Variants in DOCK4 observed in about 807,000 individuals in gnomAD.
The protein encoded by DOCK4 is dedicator of cytokinesis 4.
Under a neutral mutation model 268.1 loss-of-function variants are expected in DOCK4, and 97 were observed. The ratio of observed to expected loss-of-function variants is 0.36; its 90% CI spans 0.31 to 0.43. The LOEUF (loss-of-function observed/expected upper bound fraction) is 0.43, where lower values mean the gene tolerates loss of function less well. Ranked by LOEUF, DOCK4 falls within the 20% of genes least tolerant of loss-of-function variation. DOCK4 has a pLI of 1.00. For missense variants in DOCK4, 2,145 were observed against 2,455.7 expected (o/e 0.87, Z 2.67); for synonymous variants, 954 against 887.2 (o/e 1.08, Z -1.34).
chr7:112,061,729 A>G (rs1269601790), intron 1 of DOCK4, among the ~76,000 whole-genome samples: 8 of 144,332 alleles, frequency 5.5e-5, no homozygotes, highest in Non-Finnish European at 1.2e-4. Flanking sequence ...CTGGGAAGAT[A>G]TTAACAATGT....
chr7:111,814,928 G>A (rs1181946237), intron 27 of DOCK4, among the ~76,000 whole-genome samples: 1 of 152,114 alleles, frequency 6.6e-6, no homozygotes, highest in African/African-American at 2.4e-5. Context: ...CTAATCACAT[G>A]TCCACAGAAA....
At chr7:112,108,796 A>T (rs1811363163) in intron 1 of DOCK4, among the ~76,000 whole-genome samples, 1 of 152,248 alleles carries the variant, frequency 6.6e-6, no homozygotes, top group Non-Finnish European at 1.5e-5. Flanking sequence ...ATGGAAACCC[A>T]ACAATTGCTA....
At chr7:111,761,104 T>C (rs9641468) in intron 39 of DOCK4, among the ~76,000 whole-genome samples, 96,707 of 150,848 alleles carry the variant, frequency 0.64, 31,410 homozygotes, top group South Asian at 0.78. Flanking sequence ...TCTGTTGCCC[T>C]GGCTGGCATG....
intron 30 of DOCK4, among the ~76,000 whole-genome samples, chr7:111,795,391 G>C (rs1022388536): frequency 6.6e-6 from 1 of 152,180 alleles, no homozygotes; most frequent in African/African-American, 2.4e-5. Flanking sequence ...ACAATCTGTG[G>C]CTCTGAGCGA....
rs1795877967 is a variant in DOCK4 at position 111,740,945 on chromosome 7, C to T, written c.5040+149G>A. ...AAACGTCTTTGTAGACTCTAGAGAC[C>T]CATAAAGCAAGAAGAGTGTTTAAAG... On this transcript the variant is annotated intron_variant, in intron 47 of 52. Transcript: ENST00000428084. 9 of 884,604 alleles carry T rather than the reference C, an allele frequency of 1.0e-5. No individual in the cohort carries two copies. In the Admixed American group the frequency reaches 1.7e-4, roughly 17 times the overall value. 54.8% of individuals were successfully genotyped at this position (884,604 alleles called of 1,614,324 possible). A position where few individuals can be genotyped will look rare whatever the true frequency, so the allele number is the denominator to read the frequency against.
At chr7:111,933,196 A>G (rs1258449656) in intron 12 of DOCK4, among the ~76,000 whole-genome samples, 6 of 128,230 alleles carry the variant, frequency 4.7e-5, no homozygotes, top group African/African-American at 1.7e-4. Flanking sequence ...GTATATACAC[A>G]TATATACGTA....
At chr7:111,861,120 G>T (rs565527629) in intron 23 of DOCK4, among the ~76,000 whole-genome samples, 4 of 152,112 alleles carry the variant, frequency 2.6e-5, no homozygotes, top group Non-Finnish European at 1.5e-5. Flanking sequence ...GTGCTCCGTT[G>T]GGACCTACAT....
intron 27 of DOCK4, among the ~76,000 whole-genome samples, chr7:111,817,865 T>C (rs890310282): frequency 5.3e-5 from 8 of 152,218 alleles, no homozygotes; most frequent in African/African-American, 1.9e-4. Flanking sequence ...ATTACTATTT[T>C]CAGTTTCTCA....
At chr7:112,113,288 C>T (rs1811831338) in intron 1 of DOCK4, among the ~76,000 whole-genome samples, 1 of 151,938 alleles carries the variant, frequency 6.6e-6, no homozygotes, top group African/African-American at 2.4e-5. Flanking sequence ...GAACTAGGAC[C>T]CTGGTAAAAC....
chr7:112,121,202 G>A (rs1050121455), intron 1 of DOCK4, among the ~76,000 whole-genome samples: 1 of 152,174 alleles, frequency 6.6e-6, no homozygotes, highest in Admixed American at 6.5e-5. Context: ...AACTTGGTCA[G>A]CCTGACTCCA....
intron 1 of DOCK4, among the ~76,000 whole-genome samples, chr7:112,046,702 T>C (rs1804853537): frequency 1.3e-5 from 2 of 152,150 alleles, no homozygotes; most frequent in Non-Finnish European, 2.9e-5. Context: ...ACAATGGTTT[T>C]TCAAGACAGC....
At chr7:111,908,455 TA>T (rs1791795739) in intron 13 of DOCK4, among the ~76,000 whole-genome samples, 1 of 150,038 alleles carries the variant, frequency 6.7e-6, no homozygotes, top group African/African-American at 2.4e-5. Context: ...CTCAAAAAAA[TA>T]AATAAAATAA....
At chr7:112,080,854 C>T (rs558289901) in intron 1 of DOCK4, among the ~76,000 whole-genome samples, 1 of 151,844 alleles carries the variant, frequency 6.6e-6, no homozygotes, top group East Asian at 1.9e-4. Context: ...CAACTGGATG[C>T]AGACAGCAAG....
At chr7:111,945,574 T>G in intron 9 of DOCK4, 143 bp downstream of exon 9, 1 of 664,146 alleles carries the variant, frequency 1.5e-6, no homozygotes, top group Middle Eastern at 2.6e-4. Flanking sequence ...TTCAGAATTC[T>G]GGGCACTAAT....
At chr7:111,829,943 T>C (rs1196069697) in intron 26 of DOCK4, among the ~76,000 whole-genome samples, 1 of 152,226 alleles carries the variant, frequency 6.6e-6, no homozygotes, top group African/African-American at 2.4e-5. Context: ...GGAGGTGCTA[T>C]ATATGTACAT....
At chr7:112,202,453 C>G (rs1055636800) in intron 1 of DOCK4, among the ~76,000 whole-genome samples, 3 of 152,110 alleles carry the variant, frequency 2.0e-5, no homozygotes, top group African/African-American at 7.2e-5. Context: ...TTCAAAAGTG[C>G]TAGAATGGAT....
chr7:111,756,304 G>A (rs544868221), intron 41 of DOCK4, among the ~76,000 whole-genome samples: 6 of 152,218 alleles, frequency 3.9e-5, no homozygotes, highest in African/African-American at 7.2e-5. Flanking sequence ...AGCCGAGATC[G>A]CCCCACTGCA....
At chr7:112,109,349 G>C (rs543632653) in intron 1 of DOCK4, among the ~76,000 whole-genome samples, 1 of 152,242 alleles carries the variant, frequency 6.6e-6, no homozygotes, top group East Asian at 1.9e-4. Context: ...GGTTTCCAGA[G>C]GACATAGAGC....
intron 4 of DOCK4, among the ~76,000 whole-genome samples, chr7:111,997,575 C>T (rs1800073310): frequency 6.6e-6 from 1 of 152,188 alleles, no homozygotes; most frequent in South Asian, 2.1e-4. Context: ...CTCGTTGGAA[C>T]TTTTATCTTA....
Sources: allele counts gnomAD v4.1 joint callset (sites outside exome capture counted in the v4.1 genomes callset), GRCh38; gene constraint gnomAD v4.1.1; transcripts MANE v1.5; gene names NCBI Gene and HGNC (gene_info 2026-07-23, HGNC 2026-07-21).